The following SEMA3A variants were observed in gnomAD, a reference collection of about 807,000 sequenced individuals.
SEMA3A encodes the protein semaphorin-3A.
In SEMA3A, 29 loss-of-function variants were observed where a neutral mutation model predicts 97.9. The observed-to-expected ratio is 0.30, with a 90% CI of 0.22 to 0.40. SEMA3A has a LOEUF of 0.40. Ranked by LOEUF, SEMA3A falls within the 10% of genes least tolerant of loss-of-function variation. The probability of loss-of-function intolerance (pLI) is 1.00; values close to 1 mark genes in which losing one functional copy is unlikely to be tolerated. For synonymous variants in SEMA3A, 321 were observed against 323.7 expected (o/e 0.99, Z 0.09); for missense variants, 763 against 951.3 (o/e 0.80, Z 2.60).
At chr7:84,054,527 G>T (rs570460140) in intron 5 of SEMA3A, among the ~76,000 whole-genome samples, 26 of 151,732 alleles carry the variant, frequency 1.7e-4, no homozygotes, top group African/African-American at 6.0e-4. Flanking sequence ...TCTTCATGTA[G>T]TTCTCGAGCC....
rs549406273 is a variant in SEMA3A at position 84,343,631 on chromosome 7, G to A, written c.-169+28193C>T. On this transcript the variant is annotated intron_variant, in intron 2 of 3. Transcript: ENST00000424555. Reference sequence around the variant, plus strand: ...CTTTGAGAAATAGCTGAGGTGCTATGAGAAAGCCAAGTGGAGATGTCAATA... The same window carrying A: ...CTTTGAGAAATAGCTGAGGTGCTATAAGAAAGCCAAGTGGAGATGTCAATA... 2.4e-4 allele frequency among the ~76,000 whole-genome samples: 37 copies of A among 152,232 alleles called. No individual in the cohort carries two copies. The South Asian group carries it at 7.0e-3, about 29-fold the overall frequency.
intron 1 of SEMA3A, among the ~76,000 whole-genome samples, chr7:84,406,054 A>G (rs1804075385): frequency 1.3e-5 from 2 of 152,204 alleles, no homozygotes. Flanking sequence ...AGATCAGAGC[A>G]AAACTGAAGG....
intron 14 of SEMA3A, among the ~76,000 whole-genome samples, chr7:83,978,254 T>C (rs1789249053): frequency 6.6e-6 from 1 of 152,192 alleles, no homozygotes; most frequent in South Asian, 2.1e-4. Flanking sequence ...AGAGAATAAA[T>C]GAACTTACAT....
At chr7:84,053,683 C>A (rs1562735027) in intron 5 of SEMA3A, among the ~76,000 whole-genome samples, 1 of 149,692 alleles carries the variant, frequency 6.7e-6, no homozygotes, top group Non-Finnish European at 1.5e-5. Flanking sequence ...CAGTCTGTGT[C>A]TTTTAATTGG....
chr7:84,358,278 T>C (rs1044399644), intron 2 of SEMA3A, among the ~76,000 whole-genome samples: 5 of 152,184 alleles, frequency 3.3e-5, no homozygotes, highest in African/African-American at 1.2e-4. Flanking sequence ...AGGTCTAACA[T>C]TTAAGTCTTT....
At position 84,066,760 on chromosome 7, in the gene SEMA3A, T is replaced by G. The variant is rs868690512; in HGVS notation, c.454-6202A>C. Among the ~76,000 whole-genome samples, 1,248 of 151,708 alleles carry G rather than the reference T, an allele frequency of 8.2e-3. 20 individuals are homozygous for G. Among genetic ancestry groups the G allele is most frequent in the African/African-American group, 0.028 (1,155 of 41,256 alleles). On this transcript the variant is annotated intron_variant, in intron 4 of 16. Transcript: ENST00000265362. ...AGGAGAACTACAAACCACTGCTCAA[T>G]GAAATAAAAGAGGATACAAACAAAT...
intron 1 of SEMA3A, among the ~76,000 whole-genome samples, chr7:84,166,978 T>C (rs1375274382): frequency 6.6e-6 from 1 of 152,064 alleles, no homozygotes; most frequent in Non-Finnish European, 1.5e-5. Context: ...CCTATTTTGC[T>C]AGAAGAGTGT....
At chr7:83,974,708 T>A (rs1163871250) in intron 15 of SEMA3A, among the ~76,000 whole-genome samples, 3 of 152,270 alleles carry the variant, frequency 2.0e-5, no homozygotes, top group South Asian at 4.1e-4. Flanking sequence ...TGGGAATGCC[T>A]ACCTTAGTTT....
In SEMA3A at chr7:84,020,068, C is replaced by T. The variant is rs1159180411; in HGVS notation, c.668-5717G>A. ...TTTTTTTTTTTTTTTTTTTTTGAGA[C>T]GGAGTCTCACTCTGTTGCCCAGGCT... On this transcript the variant is annotated intron_variant, in intron 6 of 16. Transcript: ENST00000265362. 4.2e-4 allele frequency among the ~76,000 whole-genome samples: 24 copies of T among 56,774 alleles called. No homozygotes were observed. In the East Asian group the frequency reaches 6.6e-3, roughly 16 times the overall value. The allele number at this position is 56,774 out of a possible 152,430, so 37.2% of individuals were successfully genotyped here.
intron 4 of SEMA3A, among the ~76,000 whole-genome samples, chr7:84,093,936 A>AG (rs1175964298): frequency 6.6e-6 from 1 of 151,724 alleles, no homozygotes; most frequent in African/African-American, 2.4e-5. Flanking sequence ...AAAAAAAAAA[A>AG]AAAGAAAGGA....
chr7:84,328,697 T>C (rs1244977383), intron 2 of SEMA3A, among the ~76,000 whole-genome samples: 1 of 152,022 alleles, frequency 6.6e-6, no homozygotes, highest in East Asian at 1.9e-4. Flanking sequence ...ATTTCCTTCC[T>C]TTGTTCATTC....
chr7:84,432,571 T>C (rs2116321962), intron 1 of SEMA3A, among the ~76,000 whole-genome samples: 1 of 152,270 alleles, frequency 6.6e-6, no homozygotes, highest in African/African-American at 2.4e-5. Flanking sequence ...CCAGTGGCTA[T>C]CATTGCCATC....
chr7:84,175,655 G>T (rs1797539048), intron 1 of SEMA3A, among the ~76,000 whole-genome samples: 1 of 152,158 alleles, frequency 6.6e-6, no homozygotes, highest in South Asian at 2.1e-4. Flanking sequence ...TGTCTGGAAG[G>T]TAGAGTATGA....
chr7:84,137,607 T>C (rs1190116226), intron 1 of SEMA3A, among the ~76,000 whole-genome samples: 2 of 150,858 alleles, frequency 1.3e-5, no homozygotes, highest in African/African-American at 4.9e-5. Context: ...CAAAGAGATC[T>C]GTTTATCAAA....
At chr7:84,446,700 T>C (rs1805422353) in intron 1 of SEMA3A, among the ~76,000 whole-genome samples, 1 of 152,170 alleles carries the variant, frequency 6.6e-6, no homozygotes, top group Admixed American at 6.5e-5. Context: ...AGGAATATCA[T>C]AGTTGGTGAA....
At chr7:84,408,411 G>A (rs1380156823) in intron 1 of SEMA3A, among the ~76,000 whole-genome samples, 1 of 151,604 alleles carries the variant, frequency 6.6e-6, no homozygotes, top group Admixed American at 6.6e-5. Flanking sequence ...TGGAGAGGAT[G>A]TGGAGAAATA....
chr7:84,305,269 A>C (rs2115841455), intron 3 of SEMA3A, among the ~76,000 whole-genome samples: 1 of 151,524 alleles, frequency 6.6e-6, no homozygotes, highest in South Asian at 2.1e-4. Context: ...AATAGTAGAT[A>C]AAATGAAGGT....
At chr7:84,181,845 T>C (rs375697451) in intron 1 of SEMA3A, among the ~76,000 whole-genome samples, 2 of 152,194 alleles carry the variant, frequency 1.3e-5, no homozygotes, top group African/African-American at 4.8e-5. Context: ...AAATAGTTTA[T>C]GAGCATTGTA....
chr7:84,288,110 A>C (rs1007077049), intron 3 of SEMA3A, among the ~76,000 whole-genome samples: 1 of 151,954 alleles, frequency 6.6e-6, no homozygotes, highest in Non-Finnish European at 1.5e-5. Flanking sequence ...TACATAGTTA[A>C]TCTTTTTTTT....
Sources: gnomAD v4.1 joint callset for allele counts (sites outside exome capture counted in the v4.1 genomes callset) on GRCh38, gnomAD v4.1.1 for gene constraint, MANE v1.5 for transcripts, NCBI Gene and HGNC (gene_info 2026-07-23, HGNC 2026-07-21) for gene names.